Variants in KIR3DL1 observed in about 807,000 individuals in gnomAD.
The protein encoded by KIR3DL1 is killer cell immunoglobulin-like receptor 3DL1.
KIR3DL1 carries 50 observed loss-of-function variants against 40.3 expected under a neutral mutation model. The observed-to-expected ratio is 1.24, with a 90% CI of 0.99 to 1.57. The LOEUF (loss-of-function observed/expected upper bound fraction) is 1.57, where lower values mean the gene tolerates loss of function less well. Ranked by LOEUF, KIR3DL1 falls within the 40% of genes most tolerant of loss-of-function variation. The pLI is 0.00. For missense variants in KIR3DL1, 661 were observed against 559.9 expected, an observed-to-expected ratio of 1.18 and a Z score of -1.82; for synonymous variants, 257 against 207.2, an observed-to-expected ratio of 1.24 and a Z score of -2.07.
At chr19:54,818,948 G>A (rs144356426) in intron 3 of KIR3DL1, among the ~76,000 whole-genome samples, 2 of 149,888 alleles carry the variant, frequency 1.3e-5, no homozygotes, top group African/African-American at 2.5e-5. Context: ...GAGGAAGAGG[G>A]GAGTGGGGAT....
chr19:54,826,500 T>G (rs2061897397), intron 6 of KIR3DL1, among the ~76,000 whole-genome samples: 1 of 143,328 alleles, frequency 7.0e-6, no homozygotes, highest in African/African-American at 2.7e-5. Context: ...GTATATTTTT[T>G]GTAGAGAGGA....
chr19:54,817,417 G>C, intron 1 of KIR3DL1, 117 bp from the exon 2 acceptor site: 1 of 877,632 alleles, frequency 1.1e-6, no homozygotes, highest in Non-Finnish European at 1.9e-6. Context: ...GGCAGCGAGG[G>C]TGAGTTTACC....
In KIR3DL1 at chr19:54,829,418, T is replaced by C. The variant is rs45599740; in HGVS notation, c.1058T>C (p.Ile353Thr). Residue 353 changes from isoleucine (I) to threonine (T), a missense_variant, in exon 7 of 9, where the codon ATC becomes ACC. Physicochemically the swap from Ile to Thr is moderately conservative, Grantham distance 89. Transcript: ENST00000391728. ...ACCTCAGTGGTCATCATCCTCTTCA[T>C]CCTCCTCCTCTTCTTTCTCCTTCAT... is the stretch of plus-strand genomic sequence containing the variant. 7.5e-3 allele frequency: 10,454 copies of C among 1,395,230 alleles called. 1,678 individuals are homozygous for C. Among genetic ancestry groups the C allele is most frequent in the South Asian group, 0.017 (1,204 of 72,342 alleles). 86.4% of individuals were successfully genotyped at this position (1,395,230 alleles called of 1,614,324 possible). A position where few individuals can be genotyped will look rare whatever the true frequency, so the allele number is the denominator to read the frequency against.
chr19:54,827,969 G>A (rs2061995198), intron 6 of KIR3DL1, among the ~76,000 whole-genome samples: 1 of 150,270 alleles, frequency 6.7e-6, no homozygotes, highest in Non-Finnish European at 1.5e-5. Flanking sequence ...AATACTCCTT[G>A]GAGTGAGTCC....
intron 6 of KIR3DL1, among the ~76,000 whole-genome samples, chr19:54,826,937 C>A (rs377255076): frequency 6.6e-6 from 1 of 151,644 alleles, no homozygotes; most frequent in African/African-American, 2.4e-5. Context: ...ACACTCACAG[C>A]CATTGGATTC....
chr19:54,827,688 T>C (rs924020938), intron 6 of KIR3DL1, among the ~76,000 whole-genome samples: 3 of 150,538 alleles, frequency 2.0e-5, no homozygotes, highest in Non-Finnish European at 4.4e-5. Flanking sequence ...ATTCCCATCA[T>C]CATTTTTCTA....
intron 5 of KIR3DL1, among the ~76,000 whole-genome samples, chr19:54,823,372 T>G (rs2061732282): frequency 6.6e-6 from 1 of 151,348 alleles, no homozygotes; most frequent in Non-Finnish European, 1.5e-5. Context: ...CATACTTTTC[T>G]CCATAATAGT....
intron 4 of KIR3DL1, 83 bp downstream of exon 4, chr19:54,820,095 A>G: frequency 7.0e-7 from 1 of 1,419,748 alleles, no homozygotes; most frequent in South Asian, 1.2e-5. Flanking sequence ...GGTGGTCATG[A>G]GGAAGATAAG....
In KIR3DL1 at chr19:54,821,862, A is replaced by T; in HGVS notation, c.949+4A>T. 1 of 1,598,918 alleles carries T rather than the reference A, an allele frequency of 6.3e-7. No individual in the cohort carries two copies. Among genetic ancestry groups the T allele is most frequent in the Non-Finnish European group, 8.5e-7 (1 of 1,170,968 alleles). ...CCACTGCTTGTTTCTGTCACAGGTG[A>T]GAAAAGCCCATATCTCTCTCATGTC... On this transcript the variant is annotated splice_donor_region_variant and intron_variant, in intron 5 of 8. Coordinates refer to ENST00000391728, the Ensembl canonical transcript of KIR3DL1.
At chr19:54,824,501 A>C (rs1242568592) in intron 5 of KIR3DL1, among the ~76,000 whole-genome samples, 1 of 151,270 alleles carries the variant, frequency 6.6e-6, no homozygotes, top group Non-Finnish European at 1.5e-5. Flanking sequence ...ACAGAGTGAA[A>C]CCTCGTCTCT....
exon 4 of KIR3DL1, chr19:54,819,906 T>C (rs755274441): frequency 1.2e-6 from 2 of 1,612,090 alleles, no homozygotes; most frequent in Non-Finnish European, 1.7e-6. Flanking sequence ...TCTCCATCGG[T>C]CCCATGATGC....
At chr19:54,819,124 C>A (rs1246739891) in intron 3 of KIR3DL1, among the ~76,000 whole-genome samples, 13 of 151,160 alleles carry the variant, frequency 8.6e-5, no homozygotes, top group African/African-American at 3.2e-4. Flanking sequence ...ACCTTGATTT[C>A]AGCACAGGGA....
At chr19:54,817,676 G>T (rs1203518317) in intron 2 of KIR3DL1, 107 bp downstream of exon 2, 27 of 908,844 alleles carry the variant, frequency 3.0e-5, no homozygotes, top group Non-Finnish European at 4.5e-5. Context: ...AGGAAGAGGG[G>T]ACCCTCGGAT....
At position 54,829,558 on chromosome 19, in the gene KIR3DL1, G is replaced by T. The variant is rs564045331; in HGVS notation, c.1105+93G>T. The T allele has an allele frequency of 1.1e-5, 12 of 1,115,714 alleles. 4 individuals are homozygous for T. Among genetic ancestry groups the T allele is most frequent in the Non-Finnish European group, 1.5e-5 (12 of 779,886 alleles). 69.1% of individuals were successfully genotyped at this position (1,115,714 alleles called of 1,614,324 possible). ...CTGTGTGTTCCTCACTGGCAGGATG[G>T]TCCCTGGCCCAAGACAGGAGCCACA... is the stretch of plus-strand genomic sequence containing the variant. On this transcript the variant is annotated intron_variant, in intron 7 of 8. Coordinates refer to ENST00000391728, the Ensembl canonical transcript of KIR3DL1.
chr19:54,818,682 A>G, intron 3 of KIR3DL1, 83 bp downstream of exon 3: 1 of 1,528,776 alleles, frequency 6.5e-7, no homozygotes, highest in Non-Finnish European at 8.8e-7. Flanking sequence ...TCAGGGTCCC[A>G]TCACCCAGGC....
At chr19:54,823,860 C>T (rs2061757557) in intron 5 of KIR3DL1, among the ~76,000 whole-genome samples, 1 of 151,530 alleles carries the variant, frequency 6.6e-6, no homozygotes, top group Non-Finnish European at 1.5e-5. Context: ...ATGAGTGATG[C>T]CGAGTACTTT....
At chr19:54,822,211 A>G (rs35124837) in intron 5 of KIR3DL1, among the ~76,000 whole-genome samples, 40,597 of 150,546 alleles carry the variant, frequency 0.27, 6,375 homozygotes, top group Non-Finnish European at 0.32. Flanking sequence ...ACAGAGAGAT[A>G]TCATCACCAG....
chr19:54,816,571 G>T, intron 1 of KIR3DL1, 37 bp downstream of exon 1: 3 of 1,607,434 alleles, frequency 1.9e-6, no homozygotes, highest in South Asian at 1.1e-5. Flanking sequence ...GGGAGTGCGG[G>T]GATGGAGATC....
intron 2 of KIR3DL1, among the ~76,000 whole-genome samples, chr19:54,817,890 G>A (rs1166526726): frequency 1.4e-5 from 2 of 146,886 alleles, no homozygotes; most frequent in Non-Finnish European, 3.0e-5. Flanking sequence ...ACCCTCCAGC[G>A]TTTCCGTGAT....
Sources: gnomAD v4.1 joint callset for allele counts (sites outside exome capture counted in the v4.1 genomes callset) on GRCh38, gnomAD v4.1.1 for gene constraint, MANE v1.5 for transcripts, NCBI Gene and HGNC (gene_info 2026-07-23, HGNC 2026-07-21) for gene names.